The following SMIM24 variants were observed in gnomAD, a reference collection of about 807,000 sequenced individuals.
SMIM24 encodes small integral membrane protein 24, also known as MAP17-related dimer.
SMIM24 carries 6 observed loss-of-function variants against 10.8 expected under a neutral mutation model. That is an observed-to-expected ratio of 0.55 (90% CI 0.30 to 1.09). SMIM24 has a LOEUF of 1.09. Among genes scored for constraint, SMIM24 ranks in the 50% least tolerant of loss-of-function variants. SMIM24 has a pLI of 0.06. For missense variants in SMIM24, 151 were observed against 153.4 expected (o/e 0.98, Z 0.08); for synonymous variants, 71 against 62.4 (o/e 1.14, Z -0.65).
At chr19:3,475,130 C>A in intron 3 of SMIM24, 134 bp from the exon 4 acceptor site, 1 of 1,053,902 alleles carries the variant, frequency 9.5e-7, no homozygotes, top group Non-Finnish European at 1.3e-6. Flanking sequence ...ATAACCCTAA[C>A]TACGCGGCCT....
In SMIM24 at chr19:3,474,992, C is replaced by G; in HGVS notation, c.244G>C (p.Asp82His). The change falls in exon 4 of 4, where the codon GAC becomes CAC. Residue 82 changes from aspartate to histidine, a missense_variant. Coordinates refer to ENST00000215531, the MANE Select transcript of SMIM24 (RefSeq NM_001136503.2). ...ESNLYQDQSE[D>H]KREKKEAKEK... The stretch of plus-strand genomic sequence containing the variant: ...TTGGCCTCTTTCTTCTCTCTCTTGT[C>G]TTCACTGTAGGGATACAAAGGCCCC... 1 of 1,551,218 alleles carries G rather than the reference C, an allele frequency of 6.4e-7. No homozygotes were observed. Among genetic ancestry groups the G allele is most frequent in the Admixed American group, 2.0e-5 (1 of 50,962 alleles).
intron 3 of SMIM24, 100 bp downstream of exon 3, chr19:3,478,319 G>T (rs1456862978): frequency 1.6e-5 from 18 of 1,104,118 alleles, no homozygotes; most frequent in Non-Finnish European, 2.1e-5. Context: ...GGGCAGGAAT[G>T]TGTTTGAAGG....
rs1199026500 is a variant in SMIM24 at position 3,478,806 on chromosome 19, G to A, written c.179+12C>T. On this transcript the variant is annotated intron_variant, in intron 2 of 3. Transcript: ENST00000215531. ...GGGCTGTGGGGGCAGCGGGGTGGGG[G>A]CGGGCACCCACCTGGCCTTGGAACA... The A allele has an allele frequency of 6.6e-7, 1 of 1,509,386 alleles. No individual in the cohort carries two copies. Among genetic ancestry groups the A allele is most frequent in the Non-Finnish European group, 8.9e-7 (1 of 1,122,656 alleles). The allele number at this position is 1,509,386 out of a possible 1,614,324, so 93.5% of individuals were successfully genotyped here. A position where few individuals can be genotyped will look rare whatever the true frequency, so the allele number is the denominator to read the frequency against.
chr19:3,478,868 G>T lies in SMIM24; in HGVS notation c.129C>A (p.Phe43Leu). Residue 43 changes from phenylalanine (F) to leucine (L), a missense_variant, in exon 2 of 4, where the codon TTC (phenylalanine) becomes TTA (leucine). Transcript: ENST00000215531. ...TGGCCAGCAAGACCAAATAGACGAT[G>T]AACAGGAAGCCGACTACCGCAGCCA... is the stretch of plus-strand genomic sequence containing the variant. The part of the protein sequence containing the change: ...VGLAAVVGFL[F>L]IVYLVLLANR... 1.3e-6 allele frequency: 2 copies of T among 1,549,988 alleles called. No individual in the cohort carries two copies. The highest frequency in any genetic ancestry group is 1.2e-5 in the South Asian group (1 of 84,046).
chr19:3,480,425 C>A lies in SMIM24; in HGVS notation c.39G>T (p.Leu13=). 1.3e-6 allele frequency: 2 copies of A among 1,549,210 alleles called. No individual in the cohort carries two copies. Among genetic ancestry groups the A allele is most frequent in the Non-Finnish European group, 1.7e-6 (2 of 1,146,422 alleles). ...TLGALLVLEF[L]LLSPVEAQQA... Reference sequence around the variant, plus strand: ...GCTGGGCCTCCACCGGGGAGAGGAGCAGAAACTCCAGCACCAGAAGGGCCC... The same window carrying A: ...GCTGGGCCTCCACCGGGGAGAGGAGAAGAAACTCCAGCACCAGAAGGGCCC... The change falls in exon 1 of 4, where the codon CTG becomes CTT. Residue 13 remains leucine (L), a synonymous_variant. Coordinates refer to ENST00000215531, the MANE Select transcript of SMIM24 (RefSeq NM_001136503.2).
chr19:3,477,697 TGATG>T (rs2082799737), intron 3 of SMIM24, among the ~76,000 whole-genome samples: 1 of 75,568 alleles, frequency 1.3e-5, no homozygotes, highest in South Asian at 4.3e-4. Context: ...GGATGGTGGG[TGATG>T]GATGGATGGT....
chr19:3,476,283 G>T (rs754895165), intron 3 of SMIM24, among the ~76,000 whole-genome samples: 1 of 152,000 alleles, frequency 6.6e-6, no homozygotes, highest in Non-Finnish European at 1.5e-5. Flanking sequence ...CTAATGGATA[G>T]ATAGACTGAT....
At position 3,478,456 on chromosome 19, in the gene SMIM24, T is replaced by C; in HGVS notation, c.202A>G (p.Thr68Ala). The stretch of plus-strand genomic sequence containing the variant: ...TATAGGTTGGACTCCATTCTGAACG[T>C]GGTCTCCTCCTCGTCCTCAGCCCTG... ...KARAEDEEETTFRMESNLYQD... is the reference protein window; with the variant it reads ...KARAEDEEETAFRMESNLYQD... Residue 68 changes from threonine to alanine, a missense_variant, in exon 3 of 4, where the codon ACG becomes GCG. Thr to Ala is a moderately conservative substitution (Grantham distance 58). Coordinates refer to ENST00000215531, the MANE Select transcript of SMIM24 (RefSeq NM_001136503.2). 1 of 1,548,880 alleles carries C rather than the reference T, an allele frequency of 6.5e-7. No individual in the cohort carries two copies. The highest frequency in any genetic ancestry group is 8.7e-7 in the Non-Finnish European group (1 of 1,146,274).
intron 3 of SMIM24, among the ~76,000 whole-genome samples, chr19:3,477,121 T>C (rs529724941): frequency 2.2e-4 from 29 of 130,216 alleles, no homozygotes; most frequent in African/African-American, 8.8e-4. Flanking sequence ...GATGGATGGA[T>C]GGATCATGGA....
intron 3 of SMIM24, among the ~76,000 whole-genome samples, chr19:3,478,212 A>G (rs2122021989): frequency 6.6e-6 from 1 of 152,274 alleles, no homozygotes; most frequent in African/African-American, 2.4e-5. Context: ...GGCTGGGGAC[A>G]GTGTCAGGAA....
chr19:3,480,224 G>T (rs2082812889), intron 1 of SMIM24, among the ~76,000 whole-genome samples, 173 bp downstream of exon 1: 1 of 151,532 alleles, frequency 6.6e-6, no homozygotes, highest in African/African-American at 2.4e-5. Context: ...GGAGGGCAGA[G>T]CCCAGCGAGA....
intron 2 of SMIM24, 96 bp from the exon 3 acceptor site, chr19:3,478,574 A>T: frequency 8.4e-7 from 1 of 1,196,210 alleles, no homozygotes; most frequent in East Asian, 2.6e-5. Context: ...CTCTGTCCCA[A>T]CCTCCCAGCC....
intron 3 of SMIM24, among the ~76,000 whole-genome samples, chr19:3,476,112 G>GATGA (rs1195197591): frequency 6.6e-6 from 1 of 152,128 alleles, no homozygotes; most frequent in Non-Finnish European, 1.5e-5. Context: ...TGGATGGATG[G>GATGA]ATGAGTAGAT....
At position 3,478,880 on chromosome 19, in the gene SMIM24, G is replaced by A. The variant is rs772965382; in HGVS notation, c.117C>T (p.Val39=). 10 of 1,549,862 alleles carry A rather than the reference G, an allele frequency of 6.5e-6. No homozygotes were observed. The highest frequency in any genetic ancestry group is 3.6e-5 in the South Asian group (3 of 84,054). Residue 39 remains valine (V), a synonymous_variant, in exon 2 of 4, where the codon GTC becomes GTT. Transcript: ENST00000215531. ...KPWLVGLAAV[V]GFLFIVYLVL... is the part of the protein sequence containing the mutation. ...CCAAATAGACGATGAACAGGAAGCCGACTACCGCAGCCAGGCCCACCAGCC... is the reference window on the plus strand; with the variant it reads ...CCAAATAGACGATGAACAGGAAGCCAACTACCGCAGCCAGGCCCACCAGCC...
Position 3,474,655 on chromosome 19 carries a change from A to G in SMIM24, c.*188T>C, listed in dbSNP as rs551813679. ...CCAAGCTCAGGAAGAGGGGTGCATG[A>G]AAACCATGTTTGCCCAGAGAGCCCC... is the stretch of plus-strand genomic sequence containing the variant. On this transcript the variant is annotated 3_prime_UTR_variant, in exon 4 of 4. Coordinates refer to ENST00000215531, the MANE Select transcript of SMIM24 (RefSeq NM_001136503.2). 232 of 671,154 alleles carry G rather than the reference A, an allele frequency of 3.5e-4. No homozygotes were observed. In the African/African-American group the frequency reaches 3.7e-3, roughly 11 times the overall value. The allele number at this position is 671,154 out of a possible 1,614,324, so 41.6% of individuals were successfully genotyped here.
At chr19:3,479,028 T>G (rs2082805441) in intron 1 of SMIM24, 99 bp from the exon 2 acceptor site, 7 of 911,708 alleles carry the variant, frequency 7.7e-6, no homozygotes, top group African/African-American at 1.7e-5. Context: ...TCACTGGGGG[T>G]GCTCCGACAG....
At chr19:3,479,686 A>C (rs533157218) in intron 1 of SMIM24, among the ~76,000 whole-genome samples, 1 of 93,434 alleles carries the variant, frequency 1.1e-5, no homozygotes, top group South Asian at 4.2e-4. Flanking sequence ...GAGGAGGAAG[A>C]GGCTCAGATG....
chr19:3,477,766 TGGG>T (rs2082800193), intron 3 of SMIM24, among the ~76,000 whole-genome samples: 1 of 129,690 alleles, frequency 7.7e-6, no homozygotes, highest in Non-Finnish European at 1.6e-5. Context: ...GATGGGTGAG[TGGG>T]TGAATGGGTG....
chr19:3,478,978 A>G, intron 1 of SMIM24, 49 bp from the exon 2 acceptor site: 2 of 1,424,876 alleles, frequency 1.4e-6, no homozygotes, highest in Non-Finnish European at 1.9e-6. Flanking sequence ...AGGTCAGAAG[A>G]CCCCCTTCCC....
Sources: allele counts gnomAD v4.1 joint callset (sites outside exome capture counted in the v4.1 genomes callset), GRCh38; gene constraint gnomAD v4.1.1; transcripts MANE v1.5; gene names NCBI Gene and HGNC (gene_info 2026-07-23, HGNC 2026-07-21).